PI4KA: variants seen among roughly 807,000 people sequenced by gnomAD.
PI4KA encodes the protein PI4-kinase alpha.
In PI4KA, 122 loss-of-function variants were observed where a neutral mutation model predicts 271.4. The observed-to-expected ratio is 0.45, with a 90% confidence interval of 0.39 to 0.52. The LOEUF is 0.52. PI4KA is among the 20% of genes least tolerant of loss of function. PI4KA has a pLI of 0.00. For synonymous variants in PI4KA, 1,041 were observed against 1,078.8 expected, an observed-to-expected ratio of 0.96 and a Z score of 0.69; for missense variants, 1,969 against 2,769.1, an observed-to-expected ratio of 0.71 and a Z score of 6.48.
At chr22:20,795,640 C>G (rs913168772) in intron 18 of PI4KA, among the ~76,000 whole-genome samples, 4 of 152,124 alleles carry the variant, frequency 2.6e-5, no homozygotes, top group Admixed American at 2.0e-4. Flanking sequence ...TGGGGAGTTA[C>G]GAAGGAAGAG....
chr22:20,805,767 G>A (rs1305770978), intron 10 of PI4KA, among the ~76,000 whole-genome samples: 1 of 150,458 alleles, frequency 6.6e-6, no homozygotes, highest in Non-Finnish European at 1.5e-5. Context: ...GGGAGGCGGA[G>A]CTTGCAGTGA....
At chr22:20,744,554 C>T (rs1929843253) in intron 30 of PI4KA, 74 bp downstream of exon 30, 1 of 1,028,636 alleles carries the variant, frequency 9.7e-7, no homozygotes. Context: ...TCATTTTCCA[C>T]TAGGAAGCGG....
rs1426204134 is a variant in PI4KA at position 20,708,231 on chromosome 22, C to T, written c.6258-133G>A. 5 of 750,972 alleles carry T rather than the reference C, an allele frequency of 6.7e-6. No homozygotes were observed. The East Asian group carries it at 1.3e-4, about 19-fold the overall frequency. The allele number at this position is 750,972 out of a possible 1,614,324, so 46.5% of individuals were successfully genotyped here. ...CACCTGAAGGTACAAATGTCCCAGGCGTGCCCTCCCCCACCCAGTGACCAC... is the reference window on the plus strand; with the variant it reads ...CACCTGAAGGTACAAATGTCCCAGGTGTGCCCTCCCCCACCCAGTGACCAC... On this transcript the variant is annotated intron_variant, in intron 54 of 54. Coordinates refer to ENST00000255882, the MANE Select transcript of PI4KA (RefSeq NM_058004.4).
At chr22:20,714,028 C>A (rs1420112623) in intron 47 of PI4KA, among the ~76,000 whole-genome samples, 1 of 152,186 alleles carries the variant, frequency 6.6e-6, no homozygotes, top group African/African-American at 2.4e-5. Context: ...GGAGCATCTG[C>A]AGGCCAAGGA....
chr22:20,833,430 C>T (rs1924442858), intron 3 of PI4KA, among the ~76,000 whole-genome samples: 1 of 152,158 alleles, frequency 6.6e-6, no homozygotes, highest in African/African-American at 2.4e-5. Flanking sequence ...CCTGGGGCTG[C>T]CTGCCTCTAT....
intron 19 of PI4KA, among the ~76,000 whole-genome samples, chr22:20,774,536 G>T (rs188443218): frequency 2.0e-5 from 3 of 152,314 alleles, no homozygotes; most frequent in African/African-American, 7.2e-5. Context: ...GCCGAGGCGG[G>T]TGGATCACGA....
intron 7 of PI4KA, among the ~76,000 whole-genome samples, chr22:20,818,222 T>C (rs1922105628): frequency 1.3e-5 from 2 of 152,238 alleles, no homozygotes; most frequent in Admixed American, 1.3e-4. Flanking sequence ...TATAGGGGTC[T>C]GTAAGTTATT....
intron 1 of PI4KA, among the ~76,000 whole-genome samples, chr22:20,840,257 A>G (rs1207259170): frequency 6.6e-6 from 1 of 152,184 alleles, no homozygotes; most frequent in Non-Finnish European, 1.5e-5. Flanking sequence ...GGTTCCTTAA[A>G]TTGGGATCTG....
chr22:20,722,560 C>T (rs1477323331), intron 42 of PI4KA, among the ~76,000 whole-genome samples: 1 of 152,194 alleles, frequency 6.6e-6, no homozygotes, highest in East Asian at 1.9e-4. Context: ...GACCTATCCT[C>T]CTCTTCCTTC....
intron 1 of PI4KA, among the ~76,000 whole-genome samples, chr22:20,847,071 C>T (rs1207806318): frequency 2.0e-5 from 3 of 150,450 alleles, no homozygotes; most frequent in East Asian, 2.0e-4. Context: ...TCACTTGAAC[C>T]GAGGAGGTGG....
chr22:20,806,419 C>T, intron 10 of PI4KA, among the ~76,000 whole-genome samples: 1 of 152,114 alleles, frequency 6.6e-6, no homozygotes, highest in South Asian at 2.1e-4. Flanking sequence ...CCTGTAATCC[C>T]AGCACTTTGG....
rs1569074402 is a variant in PI4KA at position 20,822,937 on chromosome 22, C to T, written c.456+1389G>A. Among the ~76,000 whole-genome samples, 4 of 152,036 alleles carry T rather than the reference C, an allele frequency of 2.6e-5. No homozygotes were observed. The South Asian group carries it at 8.3e-4, about 32-fold the overall frequency. On this transcript the variant is annotated intron_variant, in intron 4 of 54. Transcript: ENST00000255882. ...CCATTTTATTTATTTATTTTGAGAC[C>T]GAGTCTCACTCTGTTATCCAGGCTG... is the stretch of plus-strand genomic sequence containing the variant.
intron 19 of PI4KA, among the ~76,000 whole-genome samples, chr22:20,770,627 CACACAA>C (rs1176830772): frequency 2.3e-5 from 3 of 131,918 alleles, no homozygotes; most frequent in Non-Finnish European, 3.2e-5. Flanking sequence ...CACACACACA[CACACAA>C]GCTGGACACA....
At chr22:20,855,833 AG>A (rs1019208535) in intron 1 of PI4KA, among the ~76,000 whole-genome samples, 2 of 152,280 alleles carry the variant, frequency 1.3e-5, no homozygotes, top group Non-Finnish European at 2.9e-5. Context: ...AAAAGGATCT[AG>A]GCATAGTGAA....
At chr22:20,803,431 G>A (rs548748402) in intron 12 of PI4KA, 111 bp from the exon 13 acceptor site, 21 of 1,322,534 alleles carry the variant, frequency 1.6e-5, no homozygotes, top group Middle Eastern at 2.5e-4. Context: ...CCAAAACTTC[G>A]AAGGTCAAAG....
At position 20,751,304 on chromosome 22, in the gene PI4KA, C is replaced by T. The variant is rs1308193576; in HGVS notation, c.3142G>A (p.Glu1048Lys). 5.6e-6 allele frequency: 9 copies of T among 1,613,584 alleles called. No homozygotes were observed. Among genetic ancestry groups the T allele is most frequent in the Non-Finnish European group, 7.6e-6 (9 of 1,179,682 alleles). Residue 1048 changes from glutamate (E) to lysine (K), a missense_variant, in exon 27 of 55, where the codon GAA becomes AAA. This residue lies in a region of PI4KA where 368 missense variants were observed against 544.3 expected (regional missense o/e 0.68). Transcript: ENST00000255882. ...CGTGTCGGGCCTACCTCACGGGCTT[C>T]GTACGTGTCAGGAACCGTGATCCGG... Reference protein sequence around the residue: ...PYRITVPDTYEARESIVKDFA... With the variant: ...PYRITVPDTYKARESIVKDFA...
chr22:20,733,568 G>A (rs1281362535), intron 35 of PI4KA, among the ~76,000 whole-genome samples, 168 bp downstream of exon 35: 1 of 150,968 alleles, frequency 6.6e-6, no homozygotes, highest in Non-Finnish European at 1.5e-5. Context: ...GCACAGGGCT[G>A]AAGGGTATTT....
intron 12 of PI4KA, among the ~76,000 whole-genome samples, chr22:20,803,542 T>G (rs573480383): frequency 6.6e-6 from 1 of 152,298 alleles, no homozygotes; most frequent in East Asian, 1.9e-4. Context: ...TTGTTTTGTT[T>G]TTGAGACAGG....
intron 39 of PI4KA, among the ~76,000 whole-genome samples, chr22:20,728,374 T>C (rs565396609): frequency 6.6e-6 from 1 of 152,256 alleles, no homozygotes; most frequent in African/African-American, 2.4e-5. Context: ...TCTGCTGTGA[T>C]GAAATGCTGG....
Sources: allele counts gnomAD v4.1 joint callset (sites outside exome capture counted in the v4.1 genomes callset), GRCh38; gene constraint gnomAD v4.1.1; regional missense constraint gnomAD v4.1.1; transcripts MANE v1.5; gene names NCBI Gene and HGNC (gene_info 2026-07-23, HGNC 2026-07-21).